OCA2: variants seen among roughly 807,000 people sequenced by gnomAD.
The protein encoded by OCA2 is P protein.
OCA2 carries 77 observed loss-of-function variants against 100.2 expected under a neutral mutation model. The observed-to-expected ratio is 0.77, with a 90% confidence interval of 0.64 to 0.93. OCA2 has a LOEUF of 0.93. Among genes scored for constraint, OCA2 ranks in the 40% least tolerant of loss-of-function variants. OCA2 has a pLI of 0.00. For missense variants in OCA2, 1,062 were observed against 1,089.1 expected, an observed-to-expected ratio of 0.98 and a Z score of 0.35; for synonymous variants, 432 against 439.2, an observed-to-expected ratio of 0.98 and a Z score of 0.21.
chr15:27,823,126 T>A (rs568350504), intron 23 of OCA2, among the ~76,000 whole-genome samples: 2 of 152,378 alleles, frequency 1.3e-5, no homozygotes, highest in African/African-American at 4.8e-5. Flanking sequence ...TGATACTGAA[T>A]TGTAGTGTTA....
chr15:27,770,770 C>CT (rs1428720912), intron 23 of OCA2, among the ~76,000 whole-genome samples: 8 of 73,462 alleles, frequency 1.1e-4, no homozygotes, highest in Admixed American at 9.4e-4. Flanking sequence ...CTCTCCCTCC[C>CT]TCCCTTCCAT....
At chr15:28,014,508 A>T (rs969153903) in intron 9 of OCA2, among the ~76,000 whole-genome samples, 5 of 152,200 alleles carry the variant, frequency 3.3e-5, no homozygotes, top group African/African-American at 9.6e-5. Context: ...GCGGAGAGAG[A>T]GTAGAAAATC....
chr15:27,915,444 T>C (rs1411134510), intron 19 of OCA2, among the ~76,000 whole-genome samples: 1 of 151,962 alleles, frequency 6.6e-6, no homozygotes, highest in Non-Finnish European at 1.5e-5. Context: ...TGGGAGAAAA[T>C]TTTTGCACAC....
the OCA2 span, among the ~76,000 whole-genome samples, chr15:27,744,362 G>A: frequency 1.3e-5 from 2 of 152,202 alleles, no homozygotes; most frequent in Non-Finnish European, 2.9e-5. Flanking sequence ...GGGCAGGCAG[G>A]GATGGAGAAA....
intron 17 of OCA2, among the ~76,000 whole-genome samples, chr15:27,953,694 A>G (rs969956833): frequency 2.0e-5 from 3 of 152,078 alleles, no homozygotes; most frequent in Non-Finnish European, 4.4e-5. Context: ...TTTTGGGGGT[A>G]TCATTCAAAT....
intron 19 of OCA2, among the ~76,000 whole-genome samples, chr15:27,874,467 G>A (rs2036708029): frequency 6.6e-6 from 1 of 152,190 alleles, no homozygotes; most frequent in South Asian, 2.1e-4. Flanking sequence ...CATCCCGCCT[G>A]CAGGCCCTCA....
intron 3 of OCA2, among the ~76,000 whole-genome samples, chr15:28,028,873 A>G (rs2042833056): frequency 6.6e-6 from 1 of 152,036 alleles, no homozygotes. Context: ...TTTAGTAGAG[A>G]TGGGGTTTCA....
chr15:28,029,495 C>G (rs1050495408), intron 3 of OCA2, among the ~76,000 whole-genome samples: 4 of 151,750 alleles, frequency 2.6e-5, no homozygotes, highest in African/African-American at 9.7e-5. Context: ...ATAGAACTTT[C>G]TGTGGTGATA....
At chr15:27,980,864 G>A (rs192348782) in intron 14 of OCA2, among the ~76,000 whole-genome samples, 15 of 152,126 alleles carry the variant, frequency 9.9e-5, no homozygotes, top group South Asian at 2.1e-4. Flanking sequence ...AGTATTCTAC[G>A]TGTTTCTTGG....
chr15:27,958,878 A>G (rs1002399332), intron 15 of OCA2, among the ~76,000 whole-genome samples: 3 of 152,192 alleles, frequency 2.0e-5, no homozygotes, highest in Admixed American at 1.3e-4. Context: ...GCACTGGAAG[A>G]GCAGCTCGGG....
At chr15:27,902,590 C>G (rs2037995062) in intron 19 of OCA2, among the ~76,000 whole-genome samples, 1 of 152,180 alleles carries the variant, frequency 6.6e-6, no homozygotes, top group Non-Finnish European at 1.5e-5. Flanking sequence ...CGCACTGAAT[C>G]CCAGGTTCCC....
intron 2 of OCA2, among the ~76,000 whole-genome samples, chr15:28,077,109 C>A (rs368406255): frequency 6.7e-6 from 1 of 149,280 alleles, no homozygotes; most frequent in Non-Finnish European, 1.5e-5. Context: ...GCCCAGGCTG[C>A]GGTGCAATGG....
intron 1 of OCA2, among the ~76,000 whole-genome samples, chr15:28,089,905 C>G (rs1197094768): frequency 6.6e-6 from 1 of 152,014 alleles, no homozygotes; most frequent in Admixed American, 6.6e-5. Flanking sequence ...CACAACATGC[C>G]TTTGTAACAA....
chr15:27,937,645 A>G (rs1468480816), intron 18 of OCA2, among the ~76,000 whole-genome samples: 1 of 152,146 alleles, frequency 6.6e-6, no homozygotes, highest in Non-Finnish European at 1.5e-5. Flanking sequence ...CATTTTACTC[A>G]TGACTTACAA....
chr15:28,094,577 T>A (rs1377404820), intron 1 of OCA2, among the ~76,000 whole-genome samples: 1 of 151,860 alleles, frequency 6.6e-6, no homozygotes, highest in Non-Finnish European at 1.5e-5. Flanking sequence ...AAAAAAAAAA[T>A]AGATGGTTCA....
rs1011723419 is a variant in OCA2, at chr15:28,087,625, T to C, written c.-21-5730A>G. ...AGCCAGGCATGGTGGTGCATGCCTA[T>C]AGTCCCAGCTACTCAGGAGGCTGAG... is the stretch of plus-strand genomic sequence containing the variant. On this transcript the variant is annotated intron_variant, in intron 1 of 23. Transcript: ENST00000354638. Among the ~76,000 whole-genome samples, 31 of 152,250 alleles carry C rather than the reference T, an allele frequency of 2.0e-4. 1 individual carries two copies. The highest frequency in any genetic ancestry group is 7.5e-4 in the African/African-American group (31 of 41,558).
intron 19 of OCA2, among the ~76,000 whole-genome samples, chr15:27,878,998 T>C (rs1244902318): frequency 6.6e-6 from 1 of 152,064 alleles, no homozygotes; most frequent in Non-Finnish European, 1.5e-5. Context: ...TTATCTGATG[T>C]TCTCCCTCCC....
chr15:27,861,813 C>T (rs72710556), intron 21 of OCA2, among the ~76,000 whole-genome samples: 7,502 of 152,114 alleles, frequency 0.049, 249 homozygotes, highest in Admixed American at 0.088. Flanking sequence ...AGGGGAGTGG[C>T]GGGAAGGCCT....
intron 19 of OCA2, among the ~76,000 whole-genome samples, chr15:27,892,939 G>A (rs112314800): frequency 0.021 from 3,184 of 152,188 alleles, 121 homozygotes; most frequent in African/African-American, 0.073. Context: ...ACAACTTTAC[G>A]CTCACAAATT....
Sources: gnomAD v4.1 joint callset for allele counts (sites outside exome capture counted in the v4.1 genomes callset) on GRCh38, gnomAD v4.1.1 for gene constraint, MANE v1.5 for transcripts, NCBI Gene and HGNC (gene_info 2026-07-23, HGNC 2026-07-21) for gene names.